The following MCTP1 variants were observed in gnomAD, a reference collection of about 807,000 sequenced individuals.
MCTP1 encodes the protein multiple C2 and transmembrane domain-containing protein 1.
In MCTP1, 69 loss-of-function variants were observed where a neutral mutation model predicts 120.6. That is an observed-to-expected ratio of 0.57 (90% CI 0.47 to 0.70). The LOEUF (loss-of-function observed/expected upper bound fraction) is 0.70, where lower values mean the gene tolerates loss of function less well. Ranked by LOEUF, MCTP1 falls within the 30% of genes least tolerant of loss-of-function variation. The probability of loss-of-function intolerance (pLI) is 0.00; values close to 1 mark genes in which losing one functional copy is unlikely to be tolerated. For missense variants in MCTP1, 1,203 were observed against 1,248.8 expected (o/e 0.96, Z 0.55); for synonymous variants, 529 against 493.1 (o/e 1.07, Z -0.96).
chr5:94,704,077 C>CTAT lies in MCTP1; in HGVS notation c.*3416_*3418dup, dbSNP rs1047185389. 5 of 151,486 alleles carry CTAT rather than the reference C, an allele frequency of 3.3e-5. No individual in the cohort carries two copies. In the South Asian group the frequency reaches 8.3e-4, roughly 25 times the overall value. 9.4% of individuals were successfully genotyped at this position (151,486 alleles called of 1,614,324 possible). On this transcript the variant is annotated 3_prime_UTR_variant, in exon 23 of 23. Coordinates refer to ENST00000515393, the MANE Select transcript of MCTP1 (RefSeq NM_024717.7). ...AGAATTATAATTGAAAGGAATGACA[C>CTAT]TATTGTAAGAAAGAATTTACCACAT... is the stretch of plus-strand genomic sequence containing the variant.
At chr5:95,138,131 C>T (rs534444499) in intron 1 of MCTP1, among the ~76,000 whole-genome samples, 5 of 151,658 alleles carry the variant, frequency 3.3e-5, no homozygotes, top group Non-Finnish European at 7.4e-5. Flanking sequence ...TCAAGTCATG[C>T]TCTTTTCTCA....
At chr5:94,840,224 C>A (rs1352488318) in intron 17 of MCTP1, among the ~76,000 whole-genome samples, 1 of 152,092 alleles carries the variant, frequency 6.6e-6, no homozygotes, top group Non-Finnish European at 1.5e-5. Context: ...ATTCTTGGAG[C>A]CATCTAAGTA....
intron 1 of MCTP1, among the ~76,000 whole-genome samples, chr5:95,197,846 T>C (rs1290283833): frequency 6.6e-6 from 1 of 152,192 alleles, no homozygotes; most frequent in Non-Finnish European, 1.5e-5. Flanking sequence ...CTCAAGTGCC[T>C]GATACAAAAC....
chr5:95,011,525 G>A (rs1413934284), intron 2 of MCTP1, among the ~76,000 whole-genome samples: 1 of 152,080 alleles, frequency 6.6e-6, no homozygotes, highest in Non-Finnish European at 1.5e-5. Flanking sequence ...CTCGATCACG[G>A]GGGCAGTTTC....
chr5:95,044,408 C>T (rs1842831067), intron 1 of MCTP1, among the ~76,000 whole-genome samples: 1 of 152,150 alleles, frequency 6.6e-6, no homozygotes, highest in South Asian at 2.1e-4. Flanking sequence ...CTAAATGTTG[C>T]CCATTTCCCA....
At chr5:95,024,648 T>TACACACACACACACACACACACAC (rs111890273) in intron 1 of MCTP1, among the ~76,000 whole-genome samples, 88 of 146,364 alleles carry the variant, frequency 6.0e-4, no homozygotes, top group African/African-American at 2.2e-3. Context: ...GGCATTCAAA[T>TACACACACACACACACACACACAC]ACACACACAC....
intron 1 of MCTP1, among the ~76,000 whole-genome samples, chr5:95,167,807 G>A (rs1395196838): frequency 5.3e-5 from 8 of 152,190 alleles, no homozygotes. Flanking sequence ...CCCTTTGTCA[G>A]ATGAGTAGAT....
intron 2 of MCTP1, among the ~76,000 whole-genome samples, chr5:95,010,276 C>T (rs1044370191): frequency 6.6e-6 from 1 of 151,990 alleles, no homozygotes; most frequent in Admixed American, 6.6e-5. Flanking sequence ...ATCAGACATT[C>T]CTCTGAACCA....
At chr5:95,014,445 T>G (rs980695194) in intron 2 of MCTP1, among the ~76,000 whole-genome samples, 2 of 152,106 alleles carry the variant, frequency 1.3e-5, no homozygotes, top group Non-Finnish European at 2.9e-5. Flanking sequence ...CAATTAGAAG[T>G]GGAGCCTGAT....
At chr5:94,965,187 C>T (rs1258000376) in intron 2 of MCTP1, among the ~76,000 whole-genome samples, 1 of 152,160 alleles carries the variant, frequency 6.6e-6, no homozygotes, top group Admixed American at 6.5e-5. Context: ...CTATATCTCT[C>T]CTTCATTTCT....
chr5:95,137,336 C>A (rs10085023), intron 1 of MCTP1, among the ~76,000 whole-genome samples: 1 of 152,154 alleles, frequency 6.6e-6, no homozygotes, highest in African/African-American at 2.4e-5. Context: ...TCAGCATTGT[C>A]GTCAATAACA....
intron 17 of MCTP1, among the ~76,000 whole-genome samples, chr5:94,813,437 C>T (rs1040355743): frequency 1.3e-4 from 20 of 152,096 alleles, no homozygotes; most frequent in African/African-American, 4.1e-4. Context: ...ATACATTTAC[C>T]ACATTAACCA....
Position 95,220,256 on chromosome 5 carries a change from T to C in MCTP1, c.720+63600A>G, listed in dbSNP as rs1239370040. ...TTAACCAAGCACAACTTGATTTTCATAGTACAATATTTAAAAATAAAATAA... is the reference window on the plus strand; with the variant it reads ...TTAACCAAGCACAACTTGATTTTCACAGTACAATATTTAAAAATAAAATAA... On this transcript the variant is annotated intron_variant, in intron 1 of 22. Transcript: ENST00000515393. Among the ~76,000 whole-genome samples the C allele has an allele frequency of 3.3e-5, 5 of 152,144 alleles. 1 individual carries two copies. The highest frequency in any genetic ancestry group is 3.9e-4 in the East Asian group (2 of 5,188).
intron 10 of MCTP1, among the ~76,000 whole-genome samples, chr5:94,898,667 G>GT (rs1001517866): frequency 6.6e-6 from 1 of 152,116 alleles, no homozygotes; most frequent in African/African-American, 2.4e-5. Context: ...TACAGTAATG[G>GT]TTTTATATTG....
intron 2 of MCTP1, among the ~76,000 whole-genome samples, chr5:95,003,237 C>A (rs1834070049): frequency 6.6e-6 from 1 of 152,068 alleles, no homozygotes; most frequent in African/African-American, 2.4e-5. Context: ...CACAGATGTA[C>A]CATTTTTTAT....
rs1427433277 is a variant in MCTP1, at chr5:94,890,719, G to A, written c.1840-1747C>T. On this transcript the variant is annotated intron_variant, in intron 11 of 22. Coordinates refer to ENST00000515393, the MANE Select transcript of MCTP1 (RefSeq NM_024717.7). ...GTGGTGTTTTATAAGTGTAGCACTT[G>A]AAGGAATTAAAAGAGGGAAACCAAT... Among the ~76,000 whole-genome samples, 4 of 152,258 alleles carry A rather than the reference G, an allele frequency of 2.6e-5. No individual in the cohort carries two copies. In the East Asian group the frequency reaches 7.7e-4, roughly 29 times the overall value.
chr5:95,129,544 G>A (rs1413368441), intron 1 of MCTP1, among the ~76,000 whole-genome samples: 3 of 152,234 alleles, frequency 2.0e-5, no homozygotes, highest in African/African-American at 7.2e-5. Context: ...ATGTCTGTGA[G>A]TACATTTCTA....
At chr5:94,825,795 T>C (rs1296874498) in intron 17 of MCTP1, among the ~76,000 whole-genome samples, 1 of 152,060 alleles carries the variant, frequency 6.6e-6, no homozygotes, top group Non-Finnish European at 1.5e-5. Flanking sequence ...ACATTTAGGA[T>C]AGTTAGCTCT....
At chr5:94,856,652 G>A (rs1480657989) in intron 17 of MCTP1, among the ~76,000 whole-genome samples, 1 of 151,600 alleles carries the variant, frequency 6.6e-6, no homozygotes, top group Non-Finnish European at 1.5e-5. Context: ...GCAATCAGAG[G>A]TATTACTCAG....
Sources: gnomAD v4.1 joint callset for allele counts (sites outside exome capture counted in the v4.1 genomes callset) on GRCh38, gnomAD v4.1.1 for gene constraint, MANE v1.5 for transcripts, NCBI Gene and HGNC (gene_info 2026-07-23, HGNC 2026-07-21) for gene names.